Variants in AGPS observed in about 807,000 individuals in gnomAD.
The protein encoded by AGPS is alkylglycerone phosphate synthase, also known as alkyldihydroxyacetonephosphate synthase, peroxisomal.
A neutral mutation model predicts 90.7 loss-of-function variants in AGPS; 26 were observed. That is an observed-to-expected ratio of 0.29 (90% CI 0.21 to 0.40). AGPS has a LOEUF of 0.40. AGPS is among the 10% of genes least tolerant of loss of function. The pLI is 1.00. For synonymous variants in AGPS, 294 were observed against 285.3 expected, an observed-to-expected ratio of 1.03 and a Z score of -0.31; for missense variants, 540 against 816.1, an observed-to-expected ratio of 0.66 and a Z score of 4.12.
At position 177,441,080 on chromosome 2, in the gene AGPS, A is replaced by G. The variant is rs746850282; in HGVS notation, c.709+44A>G. Reference sequence around the variant, plus strand: ...GAATTTTAATATGTAAATTTGTTCTATTTAAAATATTTGTATTTTAAATAT... The same window carrying G: ...GAATTTTAATATGTAAATTTGTTCTGTTTAAAATATTTGTATTTTAAATAT... On this transcript the variant is annotated intron_variant, in intron 6 of 19. Transcript: ENST00000264167. The G allele has an allele frequency of 4.9e-6, 7 of 1,421,348 alleles. No homozygotes were observed. In the African/African-American group the frequency reaches 5.7e-5, roughly 12 times the overall value. The allele number at this position is 1,421,348 out of a possible 1,614,324, so 88.0% of individuals were successfully genotyped here.
chr2:177,447,911 G>A (rs995506827), intron 8 of AGPS, among the ~76,000 whole-genome samples: 1 of 151,936 alleles, frequency 6.6e-6, no homozygotes, highest in African/African-American at 2.4e-5. Flanking sequence ...ACAGTAGTTG[G>A]GTAGCACAGA....
chr2:177,433,285 GATGCTCAATTTC>G (rs1455003134), intron 2 of AGPS, among the ~76,000 whole-genome samples: 1 of 152,200 alleles, frequency 6.6e-6, no homozygotes, highest in African/African-American at 2.4e-5. Context: ...TATAGGAATA[GATGCTCAATTTC>G]ATAAGTACTC....
intron 1 of AGPS, among the ~76,000 whole-genome samples, chr2:177,416,517 T>G (rs909215989): frequency 1.2e-4 from 18 of 150,136 alleles, no homozygotes; most frequent in Admixed American, 7.3e-4. Flanking sequence ...AGGAGGAGGG[T>G]TTTTTTTTGT....
chr2:177,503,598 T>G (rs1197896614), intron 14 of AGPS, among the ~76,000 whole-genome samples: 3 of 152,192 alleles, frequency 2.0e-5, no homozygotes, highest in Admixed American at 2.0e-4. Context: ...AGTTTGAATC[T>G]ACATGCAGTC....
At chr2:177,417,299 C>T (rs1375947655) in intron 1 of AGPS, among the ~76,000 whole-genome samples, 2 of 152,242 alleles carry the variant, frequency 1.3e-5, no homozygotes, top group South Asian at 2.1e-4. Context: ...TATAAAATTA[C>T]CTTCAGGCTA....
intron 1 of AGPS, among the ~76,000 whole-genome samples, chr2:177,408,612 T>G (rs773750034): frequency 1.3e-5 from 2 of 152,164 alleles, no homozygotes; most frequent in Non-Finnish European, 2.9e-5. Context: ...ACATGGTGAG[T>G]GCTGCCACTT....
At position 177,515,206 on chromosome 2, in the gene AGPS, C is replaced by T. The variant is rs1019974376; in HGVS notation, c.1697+1298C>T. Among the ~76,000 whole-genome samples the T allele has an allele frequency of 2.6e-5, 4 of 151,754 alleles. No homozygotes were observed. In the South Asian group the frequency reaches 8.3e-4, roughly 32 times the overall value. On this transcript the variant is annotated intron_variant, in intron 17 of 19. Transcript: ENST00000264167. ...AACAATGCACCTTTTATCTTAAAGTCCTTAAAATCTAAGACAAAAATTTTT... is the reference window on the plus strand; with the variant it reads ...AACAATGCACCTTTTATCTTAAAGTTCTTAAAATCTAAGACAAAAATTTTT...
At chr2:177,420,542 A>G (rs1393952239) in intron 2 of AGPS, among the ~76,000 whole-genome samples, 184 bp downstream of exon 2, 1 of 151,638 alleles carries the variant, frequency 6.6e-6, no homozygotes, top group Non-Finnish European at 1.5e-5. Flanking sequence ...ACCTCTAAAT[A>G]TATGTATTTG....
intron 5 of AGPS, among the ~76,000 whole-genome samples, chr2:177,437,599 C>G (rs1283444183): frequency 6.6e-6 from 1 of 152,090 alleles, no homozygotes; most frequent in African/African-American, 2.4e-5. Context: ...GTAGTAGGTA[C>G]TATATTTATA....
intron 19 of AGPS, among the ~76,000 whole-genome samples, chr2:177,536,948 T>C (rs934251543): frequency 2.6e-5 from 4 of 152,182 alleles, no homozygotes; most frequent in Non-Finnish European, 4.4e-5. Context: ...GAATGCATTA[T>C]AGAATGACAG....
intron 8 of AGPS, among the ~76,000 whole-genome samples, chr2:177,456,113 G>T (rs1184330220): frequency 6.6e-6 from 1 of 152,178 alleles, no homozygotes; most frequent in African/African-American, 2.4e-5. Flanking sequence ...TTGAGCCCAG[G>T]ATTGGAGGCT....
chr2:177,531,419 T>C lies in AGPS; in HGVS notation c.1856-6655T>C, dbSNP rs1340179288. Among the ~76,000 whole-genome samples, 4 of 152,078 alleles carry C rather than the reference T, an allele frequency of 2.6e-5. No individual in the cohort carries two copies. The East Asian group carries it at 7.7e-4, about 29-fold the overall frequency. On this transcript the variant is annotated intron_variant, in intron 19 of 19. Coordinates refer to ENST00000264167, the MANE Select transcript of AGPS (RefSeq NM_003659.4). The stretch of plus-strand genomic sequence containing the variant: ...TGCAGTTGTTCCAAAGAAAATGAAA[T>C]AGGCATAAATCTAGCAAAATATATA...
At chr2:177,462,161 C>A in intron 9 of AGPS, 143 bp downstream of exon 9, 1 of 584,364 alleles carries the variant, frequency 1.7e-6, no homozygotes, top group Non-Finnish European at 2.7e-6. Context: ...GAGGCCGAGG[C>A]GGGCGGATCA....
At chr2:177,497,995 T>C (rs569844329) in intron 13 of AGPS, among the ~76,000 whole-genome samples, 3 of 152,012 alleles carry the variant, frequency 2.0e-5, no homozygotes, top group South Asian at 4.1e-4. Flanking sequence ...ATTTGAACAG[T>C]TTTGTTTTCA....
At chr2:177,451,995 A>T (rs116547864) in intron 8 of AGPS, among the ~76,000 whole-genome samples, 1 of 152,094 alleles carries the variant, frequency 6.6e-6, no homozygotes, top group African/African-American at 2.4e-5. Flanking sequence ...ATTTTTCCAG[A>T]TATCTTTCTG....
At chr2:177,468,265 A>G (rs1052012991) in intron 9 of AGPS, 151 bp from the exon 10 acceptor site, 1 of 506,552 alleles carries the variant, frequency 2.0e-6, no homozygotes, top group Non-Finnish European at 3.6e-6. Flanking sequence ...AAAATTACTA[A>G]AAGATACTAG....
At chr2:177,461,335 T>A (rs551606720) in intron 8 of AGPS, among the ~76,000 whole-genome samples, 2 of 152,318 alleles carry the variant, frequency 1.3e-5, no homozygotes, top group Non-Finnish European at 2.9e-5. Context: ...GCATCACAAA[T>A]AAATGACGTT....
At chr2:177,460,312 A>G (rs549855174) in intron 8 of AGPS, among the ~76,000 whole-genome samples, 5 of 150,876 alleles carry the variant, frequency 3.3e-5, no homozygotes, top group South Asian at 4.1e-4. Flanking sequence ...CTTAAAGTAT[A>G]ATGATAAAAA....
chr2:177,459,049 A>T (rs181075136), intron 8 of AGPS, among the ~76,000 whole-genome samples: 18 of 152,160 alleles, frequency 1.2e-4, no homozygotes, highest in Admixed American at 1.0e-3. Flanking sequence ...ATCTTTCACA[A>T]ACCTGATACA....
Sources: gnomAD v4.1 joint callset for allele counts (sites outside exome capture counted in the v4.1 genomes callset) on GRCh38, gnomAD v4.1.1 for gene constraint, MANE v1.5 for transcripts, NCBI Gene and HGNC (gene_info 2026-07-23, HGNC 2026-07-21) for gene names.